ACBD3: variants seen among roughly 807,000 people sequenced by gnomAD.
ACBD3 encodes Golgi resident protein GCP60.
A neutral mutation model predicts 66.9 loss-of-function variants in ACBD3; 30 were observed. The observed-to-expected ratio is 0.45, with a 90% confidence interval of 0.34 to 0.61. The LOEUF is 0.61. ACBD3 is among the 20% of genes least tolerant of loss of function. The pLI, the probability that ACBD3 is intolerant of heterozygous loss-of-function variation, is 0.02. For missense variants in ACBD3, 544 were observed against 664.5 expected (o/e 0.82, Z 1.99); for synonymous variants, 278 against 259.8 (o/e 1.07, Z -0.68).
At chr1:226,186,035 T>C (rs564302498) in intron 1 of ACBD3, among the ~76,000 whole-genome samples, 1 of 152,052 alleles carries the variant, frequency 6.6e-6, no homozygotes, top group East Asian at 1.9e-4. Flanking sequence ...GTTAAAAAAA[T>C]AATAATAATA....
At chr1:226,176,051 G>A (rs531481772) in intron 1 of ACBD3, among the ~76,000 whole-genome samples, 25 of 152,304 alleles carry the variant, frequency 1.6e-4, no homozygotes, top group African/African-American at 5.5e-4. Flanking sequence ...AATCATAAGG[G>A]TCCTTATAAA....
At chr1:226,161,374 A>AG (rs1659769862) in intron 4 of ACBD3, among the ~76,000 whole-genome samples, 157 bp downstream of exon 4, 1 of 151,996 alleles carries the variant, frequency 6.6e-6, no homozygotes, top group Non-Finnish European at 1.5e-5. Context: ...TCCCAACCTC[A>AG]GGTGATCTCC....
At chr1:226,173,163 T>C (rs1655895689) in intron 1 of ACBD3, among the ~76,000 whole-genome samples, 1 of 151,854 alleles carries the variant, frequency 6.6e-6, no homozygotes, top group Non-Finnish European at 1.5e-5. Flanking sequence ...TCCCAGCTAC[T>C]AGGGTGGCCA....
At position 226,146,647 on chromosome 1, in the gene ACBD3, G is replaced by T; in HGVS notation, c.1550C>A (p.Ser517Ter). 1 of 1,613,700 alleles carries T rather than the reference G, an allele frequency of 6.2e-7. No individual in the cohort carries two copies. The highest frequency in any genetic ancestry group is 1.1e-5 in the South Asian group (1 of 91,026). ...ATAGACTCTGTAGTAGACTGATTTT[G>T]ACCGCCACAAAGAGTAGGAGTTGTC... ...KFDNSYSLWR[S>*]KSVYYRVYYT... Residue 517 changes from serine (S) to a stop codon, truncating the protein, a stop_gained, in exon 8 of 8, where the codon TCA becomes TAA. Coordinates refer to ENST00000366812, the MANE Select transcript of ACBD3 (RefSeq NM_022735.4). LOFTEE classifies it high-confidence loss of function.
intron 5 of ACBD3, among the ~76,000 whole-genome samples, chr1:226,157,265 G>A (rs1378177970): frequency 5.6e-5 from 8 of 143,748 alleles, no homozygotes; most frequent in African/African-American, 1.3e-4. Context: ...TTGAGACGGA[G>A]TTTCTCTTTT....
chr1:226,178,272 T>G (rs1377391938), intron 1 of ACBD3, among the ~76,000 whole-genome samples: 1 of 151,828 alleles, frequency 6.6e-6, no homozygotes, highest in African/African-American at 2.4e-5. Context: ...AAATTAAGTA[T>G]ACAAAAGACT....
At chr1:226,182,742 T>C (rs1019526487) in intron 1 of ACBD3, among the ~76,000 whole-genome samples, 5 of 152,240 alleles carry the variant, frequency 3.3e-5, no homozygotes, top group African/African-American at 1.2e-4. Flanking sequence ...TTCTCATGGC[T>C]TTCATGGCTC....
intron 1 of ACBD3, among the ~76,000 whole-genome samples, chr1:226,172,017 T>A (rs1268309492): frequency 6.6e-6 from 1 of 151,376 alleles, no homozygotes; most frequent in Admixed American, 6.6e-5. Flanking sequence ...TAGCCAGGCA[T>A]GCTGGCGCAC....
Position 226,186,448 on chromosome 1 carries a change from C to G in ACBD3, c.228G>C (p.Glu76Asp). ...GGAAEEARRL[E>D]QRWGFGLEEL... Reference sequence around the variant, plus strand: ...CCTCCAGGCCGAAACCCCAGCGCTGCTCCAGCCGCCGCGCCTCCTCCGCCG... The same window carrying G: ...CCTCCAGGCCGAAACCCCAGCGCTGGTCCAGCCGCCGCGCCTCCTCCGCCG... Residue 76 changes from glutamate to aspartate, a missense_variant, in exon 1 of 8, where the codon GAG (glutamate) becomes GAC (aspartate). Glu to Asp is a conservative substitution (Grantham distance 45). This residue lies in a region of ACBD3 where 137 missense variants were observed against 145.9 expected (regional missense o/e 0.94). Coordinates refer to ENST00000366812, the MANE Select transcript of ACBD3 (RefSeq NM_022735.4). 6.6e-7 allele frequency: 1 copy of G among 1,509,628 alleles called. No individual in the cohort carries two copies. The highest frequency in any genetic ancestry group is 8.8e-7 in the Non-Finnish European group (1 of 1,131,816). 93.5% of individuals were successfully genotyped at this position (1,509,628 alleles called of 1,614,324 possible). A position where few individuals can be genotyped will look rare whatever the true frequency, so the allele number is the denominator to read the frequency against.
At position 226,172,192 on chromosome 1, in the gene ACBD3, AGTCCTGGTC is replaced by A. The variant is rs1558129695; in HGVS notation, c.287-6201_287-6193del. ...AAAAGAGGAATACATTTTCAGTGCT[AGTCCTGGTC>A]AGGCAAACAGATTCGCTGACCTCTG... On this transcript the variant is annotated intron_variant, in intron 1 of 7. Coordinates refer to ENST00000366812, the MANE Select transcript of ACBD3 (RefSeq NM_022735.4). Among the ~76,000 whole-genome samples, 310 of 105,922 alleles carry A rather than the reference AGTCCTGGTC, an allele frequency of 2.9e-3. 14 individuals carry two copies. Among genetic ancestry groups the A allele is most frequent in the Middle Eastern group, 4.6e-3 (1 of 218 alleles). The allele number at this position is 105,922 out of a possible 152,430, so 69.5% of individuals were successfully genotyped here.
In ACBD3 at chr1:226,154,643, C is replaced by T. The variant is rs1461108293; in HGVS notation, c.1090+4G>A. ...ATCTGGACAAACACATATGCAAAACCTACCTTTTGGTCCATTCTCCAGGGC... is the reference window on the plus strand; with the variant it reads ...ATCTGGACAAACACATATGCAAAACTTACCTTTTGGTCCATTCTCCAGGGC... On this transcript the variant is annotated splice_donor_region_variant and intron_variant, in intron 6 of 7. Coordinates refer to ENST00000366812, the MANE Select transcript of ACBD3 (RefSeq NM_022735.4). 6.2e-7 allele frequency: 1 copy of T among 1,606,918 alleles called. No individual in the cohort carries two copies. Among genetic ancestry groups the T allele is most frequent in the Admixed American group, 1.7e-5 (1 of 58,902 alleles).
Position 226,154,765 on chromosome 1 carries a change from A to C in ACBD3, c.972T>G (p.Asn324Lys). Residue 324 changes from asparagine to lysine, a missense_variant, in exon 6 of 8, where the codon AAT (asparagine) becomes AAG (lysine). Coordinates refer to ENST00000366812, the MANE Select transcript of ACBD3 (RefSeq NM_022735.4). ...ACATCATATTACTTGGTACAGTTGC[A>C]TTCACTTTTGATGATGTAGGCAAGG... is the stretch of plus-strand genomic sequence containing the variant. Reference protein sequence around the residue: ...GSSLPTSSKVNATVPSNMMSV... With the variant: ...GSSLPTSSKVKATVPSNMMSV... The C allele has an allele frequency of 6.2e-7, 1 of 1,613,524 alleles. No homozygotes were observed. The highest frequency in any genetic ancestry group is 1.1e-5 in the South Asian group (1 of 90,984).
At chr1:226,150,269 A>G (rs1659545170) in intron 7 of ACBD3, among the ~76,000 whole-genome samples, 1 of 151,848 alleles carries the variant, frequency 6.6e-6, no homozygotes, top group African/African-American at 2.4e-5. Flanking sequence ...TCACTCTACA[A>G]AACGGGTTGC....
chr1:226,168,795 C>G (rs921874698), intron 1 of ACBD3, among the ~76,000 whole-genome samples: 3 of 126,538 alleles, frequency 2.4e-5, no homozygotes, highest in Non-Finnish European at 5.0e-5. Context: ...GGATATTAAT[C>G]ACCAAAAGTT....
At chr1:226,186,367 G>T in intron 1 of ACBD3, 23 bp downstream of exon 1, 3 of 1,492,572 alleles carry the variant, frequency 2.0e-6, no homozygotes, top group Non-Finnish European at 1.8e-6. Context: ...AGAAGCGGCG[G>T]GGGTGGGGCT....
chr1:226,154,542 A>G, intron 6 of ACBD3, 105 bp downstream of exon 6: 1 of 1,332,794 alleles, frequency 7.5e-7, no homozygotes, highest in Non-Finnish European at 1.0e-6. Flanking sequence ...AACTCTCACA[A>G]ATATGTAATT....
chr1:226,156,744 A>G (rs1268417025), intron 5 of ACBD3, among the ~76,000 whole-genome samples: 1 of 152,116 alleles, frequency 6.6e-6, no homozygotes, highest in African/African-American at 2.4e-5. Flanking sequence ...TTCCACATCA[A>G]TTTTCTAGAA....
At chr1:226,171,930 T>G (rs371033322) in intron 1 of ACBD3, among the ~76,000 whole-genome samples, 57 of 150,192 alleles carry the variant, frequency 3.8e-4, no homozygotes, top group African/African-American at 1.3e-3. Context: ...CTGGGGCGGG[T>G]GGATCACCTG....
Position 226,144,691 on chromosome 1 carries a change from A to G in ACBD3, c.*1919T>C, listed in dbSNP as rs1659414150. ...AAACATCAACAAGTTACAGATAAAC[A>G]TTTTAATTGATTAAATATATTACTT... On this transcript the variant is annotated 3_prime_UTR_variant, in exon 8 of 8. Transcript: ENST00000366812. 1 of 152,498 alleles carries G rather than the reference A, an allele frequency of 6.6e-6. No homozygotes were observed. Among genetic ancestry groups the G allele is most frequent in the African/African-American group, 2.4e-5 (1 of 41,468 alleles). 9.4% of individuals were successfully genotyped at this position (152,498 alleles called of 1,614,324 possible).
Sources: allele counts gnomAD v4.1 joint callset (sites outside exome capture counted in the v4.1 genomes callset), GRCh38; gene constraint gnomAD v4.1.1; regional missense constraint gnomAD v4.1.1; transcripts MANE v1.5; gene names NCBI Gene and HGNC (gene_info 2026-07-23, HGNC 2026-07-21).